GALNTL6: variants seen among roughly 807,000 people sequenced by gnomAD.
GALNTL6 encodes the protein polypeptide N-acetylgalactosaminyltransferase like 6, also known as polypeptide N-acetylgalactosaminyltransferase-like 6.
In GALNTL6, 46 loss-of-function variants were observed where a neutral mutation model predicts 73.7. That is an observed-to-expected ratio of 0.62 (90% confidence interval 0.49 to 0.80). The LOEUF (loss-of-function observed/expected upper bound fraction) is 0.80, where lower values mean the gene tolerates loss of function less well. GALNTL6 is among the 30% of genes least tolerant of loss of function. The probability of loss-of-function intolerance (pLI) is 0.00; values close to 1 mark genes in which losing one functional copy is unlikely to be tolerated. For missense variants in GALNTL6, 604 were observed against 755.0 expected, an observed-to-expected ratio of 0.80 and a Z score of 2.34; for synonymous variants, 259 against 263.7, an observed-to-expected ratio of 0.98 and a Z score of 0.17.
At chr4:172,625,503 T>C (rs1560842256) in intron 5 of GALNTL6, among the ~76,000 whole-genome samples, 1 of 152,110 alleles carries the variant, frequency 6.6e-6, no homozygotes, top group Non-Finnish European at 1.5e-5. Context: ...CATGTGTCTT[T>C]TCAGTAGAAT....
chr4:172,209,936 C>T (rs1017999553), intron 2 of GALNTL6, among the ~76,000 whole-genome samples: 1 of 151,992 alleles, frequency 6.6e-6, no homozygotes, highest in Admixed American at 6.6e-5. Flanking sequence ...CATCTAAATG[C>T]AAACTAGTAC....
chr4:173,002,698 G>C (rs74811330), intron 10 of GALNTL6, among the ~76,000 whole-genome samples: 1 of 150,970 alleles, frequency 6.6e-6, no homozygotes, highest in Non-Finnish European at 1.5e-5. Flanking sequence ...GGGAGGCTGA[G>C]GCAGGAGAAT....
intron 8 of GALNTL6, among the ~76,000 whole-genome samples, chr4:172,890,846 G>A (rs1190238562): frequency 1.3e-5 from 2 of 152,130 alleles, no homozygotes; most frequent in Non-Finnish European, 2.9e-5. Context: ...AAATCTAGAA[G>A]TACCTGTTTT....
chr4:172,860,521 G>A (rs1316224641), intron 7 of GALNTL6, among the ~76,000 whole-genome samples: 1 of 152,070 alleles, frequency 6.6e-6, no homozygotes, highest in Non-Finnish European at 1.5e-5. Context: ...TTACTTAAAA[G>A]AAATAACCTC....
At chr4:172,418,003 G>T (rs1561073958) in intron 5 of GALNTL6, among the ~76,000 whole-genome samples, 1 of 152,084 alleles carries the variant, frequency 6.6e-6, no homozygotes, top group African/African-American at 2.4e-5. Flanking sequence ...GTAGTCAGCA[G>T]CTTCACCCCA....
At chr4:172,262,018 A>G (rs1470256734) in intron 3 of GALNTL6, among the ~76,000 whole-genome samples, 1 of 151,314 alleles carries the variant, frequency 6.6e-6, no homozygotes, top group Admixed American at 6.6e-5. Context: ...TTTATCAAAA[A>G]CAATTTTGTT....
chr4:172,458,987 C>T (rs1732511285), intron 5 of GALNTL6, among the ~76,000 whole-genome samples: 1 of 152,158 alleles, frequency 6.6e-6, no homozygotes, highest in South Asian at 2.1e-4. Context: ...AAACTAAATT[C>T]AGCAGCACAT....
At chr4:171,955,356 C>G (rs971068821) in intron 2 of GALNTL6, among the ~76,000 whole-genome samples, 2 of 144,344 alleles carry the variant, frequency 1.4e-5, no homozygotes, top group Non-Finnish European at 3.0e-5. Flanking sequence ...ATATATAATA[C>G]GAATGAAATA....
intron 3 of GALNTL6, among the ~76,000 whole-genome samples, chr4:172,233,709 G>GCTA (rs1456737902): frequency 1.3e-5 from 2 of 151,986 alleles, no homozygotes; most frequent in African/African-American, 2.4e-5. Flanking sequence ...CCAAAAAAGA[G>GCTA]CTACATTCTT....
chr4:171,992,710 C>G (rs1055788452), intron 2 of GALNTL6, among the ~76,000 whole-genome samples: 5 of 151,978 alleles, frequency 3.3e-5, no homozygotes, highest in Non-Finnish European at 7.4e-5. Context: ...ATCTCTTATT[C>G]TAGAGAAAAT....
At chr4:171,982,627 G>A (rs191361414) in intron 2 of GALNTL6, among the ~76,000 whole-genome samples, 7 of 152,164 alleles carry the variant, frequency 4.6e-5, no homozygotes, top group Non-Finnish European at 7.4e-5. Flanking sequence ...TCTTCCAGAC[G>A]AGCTTGTTGG....
chr4:172,123,776 G>A (rs1282486696), intron 2 of GALNTL6, among the ~76,000 whole-genome samples: 1 of 152,106 alleles, frequency 6.6e-6, no homozygotes, highest in African/African-American at 2.4e-5. Context: ...TGGGATTACA[G>A]GCATGAGCCA....
chr4:172,779,721 A>G lies in GALNTL6; in HGVS notation c.554-29640A>G, dbSNP rs114356619. ...GCTGAAAGCCCATCTGTAAAAAGCT[A>G]GAATTACTAACATTTACTGACAGCA... On this transcript the variant is annotated intron_variant, in intron 5 of 12. Transcript: ENST00000506823. 3.4e-3 allele frequency among the ~76,000 whole-genome samples: 522 copies of G among 152,354 alleles called. 5 individuals carry two copies. The highest frequency in any genetic ancestry group is 3.4e-3 in the Middle Eastern group (1 of 294).
intron 5 of GALNTL6, among the ~76,000 whole-genome samples, chr4:172,650,644 G>C (rs192243031): frequency 9.2e-5 from 14 of 152,172 alleles, no homozygotes; most frequent in Admixed American, 3.3e-4. Context: ...AAATAAATAT[G>C]AATACATATC....
intron 3 of GALNTL6, among the ~76,000 whole-genome samples, chr4:172,230,558 C>T (rs1737025041): frequency 3.3e-5 from 4 of 121,054 alleles, no homozygotes; most frequent in South Asian, 2.4e-4. Context: ...TCCAGCCGGG[C>T]GATAGAGTGA....
chr4:172,956,340 A>T lies in GALNTL6; in HGVS notation c.1371+4082A>T, dbSNP rs142375359. 4.2e-3 allele frequency among the ~76,000 whole-genome samples: 636 copies of T among 152,274 alleles called. 6 individuals are homozygous for T. Among genetic ancestry groups the T allele is most frequent in the East Asian group, 0.022 (116 of 5,182 alleles). On this transcript the variant is annotated intron_variant, in intron 10 of 12. Transcript: ENST00000506823. ...GATATGGTTTTGTATGAACTGAAAA[A>T]CTAAATGGAATAAGACAAGGAGAAA...
chr4:172,035,310 C>T (rs1741900408), intron 2 of GALNTL6, among the ~76,000 whole-genome samples: 1 of 151,926 alleles, frequency 6.6e-6, no homozygotes, highest in South Asian at 2.1e-4. Context: ...TTTCCTGAGG[C>T]TAAAATATGA....
chr4:171,835,319 C>T (rs1458789280), intron 2 of GALNTL6, among the ~76,000 whole-genome samples: 1 of 151,502 alleles, frequency 6.6e-6, no homozygotes, highest in Non-Finnish European at 1.5e-5. Flanking sequence ...TATGTGTCTC[C>T]GTGTATCTGT....
At chr4:172,457,308 C>T (rs1350033803) in intron 5 of GALNTL6, among the ~76,000 whole-genome samples, 2 of 151,598 alleles carry the variant, frequency 1.3e-5, no homozygotes, top group African/African-American at 2.4e-5. Flanking sequence ...CATCAACTAA[C>T]GGGCAAAATA....
Sources: allele counts gnomAD v4.1 joint callset (sites outside exome capture counted in the v4.1 genomes callset), GRCh38; gene constraint gnomAD v4.1.1; transcripts MANE v1.5; gene names NCBI Gene and HGNC (gene_info 2026-07-23, HGNC 2026-07-21).